Variants in CCDC91 observed in about 807,000 individuals in gnomAD.
The protein encoded by CCDC91 is coiled-coil domain containing 91.
A neutral mutation model predicts 63.2 loss-of-function variants in CCDC91; 48 were observed. The ratio of observed to expected loss-of-function variants is 0.76; its 90% CI spans 0.60 to 0.97. CCDC91 has a LOEUF of 0.97. Among genes scored for constraint, CCDC91 ranks in the 50% least tolerant of loss-of-function variants. The probability of loss-of-function intolerance (pLI) is 0.00; values close to 1 mark genes in which losing one functional copy is unlikely to be tolerated. For missense variants in CCDC91, 500 were observed against 494.6 expected (o/e 1.01, Z -0.10); for synonymous variants, 167 against 165.8 (o/e 1.01, Z -0.06).
intron 6 of CCDC91, among the ~76,000 whole-genome samples, chr12:28,317,190 C>T (rs1391500293): frequency 6.6e-6 from 1 of 151,962 alleles, no homozygotes; most frequent in Non-Finnish European, 1.5e-5. Context: ...TTGGCATTCA[C>T]AAGGGATATA....
At chr12:28,392,197 A>G (rs568662508) in intron 8 of CCDC91, among the ~76,000 whole-genome samples, 2 of 152,286 alleles carry the variant, frequency 1.3e-5, no homozygotes, top group East Asian at 3.9e-4. Context: ...CACAAATACA[A>G]TTATACTGTT....
Position 28,307,631 on chromosome 12 carries a change from T to G in CCDC91, c.472-14T>G, listed in dbSNP as rs202219924. On this transcript the variant is annotated splice_polypyrimidine_tract_variant and intron_variant, in intron 5 of 12. Coordinates refer to ENST00000536442, the MANE Select transcript of CCDC91 (RefSeq NM_018318.5). ...TTAAATATTACAAAGCTTGTATTTG[T>G]ATTTTTATTTTAGGATGTGGAATCA... 259 of 1,322,080 alleles carry G rather than the reference T, an allele frequency of 2.0e-4. 2 individuals are homozygous for G. In the African/African-American group the frequency reaches 3.1e-3, roughly 16 times the overall value. 81.9% of individuals were successfully genotyped at this position (1,322,080 alleles called of 1,614,324 possible).
At chr12:28,444,626 G>A (rs1352757061) in intron 8 of CCDC91, among the ~76,000 whole-genome samples, 2 of 152,090 alleles carry the variant, frequency 1.3e-5, no homozygotes, top group Non-Finnish European at 2.9e-5. Flanking sequence ...AGAGCTAATT[G>A]ATAAGAACTC....
Position 28,504,124 on chromosome 12 carries a change from CA to C in CCDC91, c.1215+19968del, listed in dbSNP as rs144933106. Among the ~76,000 whole-genome samples the C allele has an allele frequency of 1.6e-3, 230 of 148,152 alleles. 1 individual carries two copies. Among genetic ancestry groups the C allele is most frequent in the African/African-American group, 5.3e-3 (213 of 40,332 alleles). On this transcript the variant is annotated intron_variant, in intron 12 of 12. Coordinates refer to ENST00000536442, the MANE Select transcript of CCDC91 (RefSeq NM_018318.5). ...ATTAATTTAAAAAAGACTCCAACTC[CA>C]AAAAAAAATAAGTATATTCAAAAGA...
intron 8 of CCDC91, among the ~76,000 whole-genome samples, chr12:28,432,587 G>A (rs1282539665): frequency 6.6e-6 from 1 of 152,072 alleles, no homozygotes; most frequent in Non-Finnish European, 1.5e-5. Context: ...AAATTTCTCA[G>A]TCTCAGGTAT....
At chr12:28,447,353 C>G (rs1462996642) in intron 8 of CCDC91, among the ~76,000 whole-genome samples, 2 of 151,886 alleles carry the variant, frequency 1.3e-5, no homozygotes, top group East Asian at 1.9e-4. Context: ...ATAAACAGCT[C>G]TCCAGAAGGA....
chr12:28,315,371 C>T (rs1350823419), intron 6 of CCDC91, among the ~76,000 whole-genome samples: 7 of 151,652 alleles, frequency 4.6e-5, no homozygotes, highest in Admixed American at 4.6e-4. Context: ...TCACCATGTT[C>T]ACCAGGCTGG....
chr12:28,262,742 C>G (rs1946907109), intron 3 of CCDC91, among the ~76,000 whole-genome samples: 1 of 151,948 alleles, frequency 6.6e-6, no homozygotes, highest in South Asian at 2.1e-4. Context: ...GTTATGATAT[C>G]TAACCTGTAA....
At chr12:28,366,836 G>A (rs1252709275) in intron 7 of CCDC91, among the ~76,000 whole-genome samples, 5 of 152,018 alleles carry the variant, frequency 3.3e-5, no homozygotes, top group African/African-American at 4.8e-5. Flanking sequence ...CCTCACAGCC[G>A]GACTGGTATT....
At chr12:28,395,762 C>T (rs970502244) in intron 8 of CCDC91, among the ~76,000 whole-genome samples, 13 of 152,154 alleles carry the variant, frequency 8.5e-5, no homozygotes, top group African/African-American at 2.9e-4. Flanking sequence ...CCTCATCCCT[C>T]CAGCATCCAA....
chr12:28,267,912 TATA>T (rs1289470697), intron 3 of CCDC91, among the ~76,000 whole-genome samples: 3 of 95,558 alleles, frequency 3.1e-5, no homozygotes, highest in Non-Finnish European at 5.7e-5. Context: ...TTATATTATA[TATA>T]ATTATTATAA....
intron 1 of CCDC91, chr12:28,225,955 G>A (rs1044064815): frequency 2.0e-5 from 3 of 152,196 alleles, no homozygotes; most frequent in Non-Finnish European, 2.9e-5. Flanking sequence ...TTGTCATCTT[G>A]CTTCCAGCCT....
chr12:28,481,322 T>G (rs1204274004), intron 11 of CCDC91, among the ~76,000 whole-genome samples: 1 of 151,914 alleles, frequency 6.6e-6, no homozygotes, highest in East Asian at 1.9e-4. Flanking sequence ...ACACACAGGA[T>G]GCTCCCTTAC....
chr12:28,468,649 T>C (rs1950658034), intron 11 of CCDC91, among the ~76,000 whole-genome samples: 2 of 151,776 alleles, frequency 1.3e-5, no homozygotes, highest in African/African-American at 2.4e-5. Flanking sequence ...GAAAGAAAAC[T>C]ACAAGCCAAT....
chr12:28,456,254 A>G (rs1202310333), intron 11 of CCDC91, among the ~76,000 whole-genome samples: 2 of 152,162 alleles, frequency 1.3e-5, no homozygotes, highest in Non-Finnish European at 2.9e-5. Flanking sequence ...GTGCTTTCAC[A>G]GAGCTTACAT....
At chr12:28,532,115 A>G (rs1456127723) in intron 12 of CCDC91, among the ~76,000 whole-genome samples, 1 of 152,150 alleles carries the variant, frequency 6.6e-6, no homozygotes, top group Non-Finnish European at 1.5e-5. Context: ...AACATATACA[A>G]AAGCCTGACT....
rs199531237 is a variant in CCDC91 at position 28,466,184 on chromosome 12, A to C, written c.1101+13530A>C. Among the ~76,000 whole-genome samples the C allele has an allele frequency of 4.6e-5, 7 of 152,314 alleles. No individual in the cohort carries two copies. The East Asian group carries it at 1.2e-3, about 25-fold the overall frequency. ...TATACACAAAGGAGACAAAAGAATA[A>C]AAAACAATGAAGTATGCCTCCAGGA... On this transcript the variant is annotated intron_variant, in intron 11 of 12. Coordinates refer to ENST00000536442, the MANE Select transcript of CCDC91 (RefSeq NM_018318.5).
intron 8 of CCDC91, among the ~76,000 whole-genome samples, chr12:28,416,233 C>G (rs1324944453): frequency 2.0e-5 from 3 of 152,060 alleles, no homozygotes; most frequent in East Asian, 1.9e-4. Flanking sequence ...CAACTATTAT[C>G]ATTGTTGTTG....
chr12:28,279,717 C>G (rs1948472242), intron 3 of CCDC91, among the ~76,000 whole-genome samples: 1 of 151,836 alleles, frequency 6.6e-6, no homozygotes, highest in Non-Finnish European at 1.5e-5. Context: ...GTCTATTCCA[C>G]TAAATCCTTT....
Sources: gnomAD v4.1 joint callset for allele counts (sites outside exome capture counted in the v4.1 genomes callset) on GRCh38, gnomAD v4.1.1 for gene constraint, MANE v1.5 for transcripts, NCBI Gene and HGNC (gene_info 2026-07-23, HGNC 2026-07-21) for gene names.